ANAPC1: variants seen among roughly 807,000 people sequenced by gnomAD.
ANAPC1 encodes the protein anaphase promoting complex subunit 1.
A neutral mutation model predicts 208.0 loss-of-function variants in ANAPC1; 36 were observed. The ratio of observed to expected loss-of-function variants is 0.17; its 90% CI spans 0.13 to 0.23. ANAPC1 has a LOEUF of 0.23. Ranked by LOEUF, ANAPC1 falls within the 10% of genes least tolerant of loss-of-function variation. The probability of loss-of-function intolerance (pLI) is 1.00; values close to 1 mark genes in which losing one functional copy is unlikely to be tolerated. For synonymous variants in ANAPC1, 378 were observed against 695.2 expected (o/e 0.54, Z 7.18); for missense variants, 942 against 2,011.6 (o/e 0.47, Z 10.17).
chr2:111,833,805 G>GTC (rs1680320310), intron 19 of ANAPC1, among the ~76,000 whole-genome samples: 2 of 151,592 alleles, frequency 1.3e-5, no homozygotes, highest in South Asian at 2.1e-4. Flanking sequence ...GACATCCTAA[G>GTC]AGATATTTAC....
chr2:111,877,096 CT>C (rs1452399788), intron 3 of ANAPC1, among the ~76,000 whole-genome samples: 1 of 150,834 alleles, frequency 6.6e-6, no homozygotes, highest in Non-Finnish European at 1.5e-5. Flanking sequence ...CATTTCACCC[CT>C]AAATACTTCA....
chr2:111,779,260 C>CGGGCATGTGACA (rs1677154286), intron 44 of ANAPC1: 1 of 149,010 alleles, frequency 6.7e-6, no homozygotes, highest in African/African-American at 2.5e-5. Context: ...TGTGACATCT[C>CGGGCATGTGACA]TCAGTGGCAG....
intron 13 of ANAPC1, 134 bp downstream of exon 13, chr2:111,856,480 A>T: frequency 1.1e-6 from 1 of 878,040 alleles, no homozygotes; most frequent in Non-Finnish European, 1.7e-6. Flanking sequence ...GAGAATTATT[A>T]ACAAAATTCT....
chr2:111,884,007 G>A lies in ANAPC1; in HGVS notation c.-90C>T, dbSNP rs1195951450. On this transcript the variant is annotated 5_prime_UTR_variant, in exon 1 of 48. Transcript: ENST00000341068. ...TGCTCCCCGGAGGCGCAGGGGCCGA[G>A]GAGGCCCGAGGGCAGCGGCGGGGTC... 6.6e-6 allele frequency: 1 copy of A among 152,566 alleles called. No homozygotes were observed. The highest frequency in any genetic ancestry group is 1.5e-5 in the Non-Finnish European group (1 of 68,200). 9.5% of individuals were successfully genotyped at this position (152,566 alleles called of 1,614,324 possible). A position where few individuals can be genotyped will look rare whatever the true frequency, so the allele number is the denominator to read the frequency against.
intron 43 of ANAPC1, among the ~76,000 whole-genome samples, chr2:111,781,621 T>C (rs1677280622): frequency 6.6e-6 from 1 of 152,286 alleles, no homozygotes; most frequent in Non-Finnish European, 1.5e-5. Flanking sequence ...CGTCTAATTA[T>C]TCCTTAGGGT....
At chr2:111,806,978 T>C (rs1470279708) in intron 29 of ANAPC1, among the ~76,000 whole-genome samples, 1 of 67,774 alleles carries the variant, frequency 1.5e-5, no homozygotes, top group Non-Finnish European at 2.8e-5. Context: ...GGAGGATCAC[T>C]TGAGGTCAAC....
chr2:111,802,898 T>C (rs1678508956), intron 32 of ANAPC1: 3 of 234,804 alleles, frequency 1.3e-5, no homozygotes, highest in South Asian at 3.7e-5. Context: ...TTTTAATTAA[T>C]AGACTAAAGA....
At chr2:111,782,041 A>G (rs1476642228) in intron 43 of ANAPC1, among the ~76,000 whole-genome samples, 3 of 152,168 alleles carry the variant, frequency 2.0e-5, no homozygotes, top group Admixed American at 6.5e-5. Context: ...GAAATTAAGT[A>G]AATCTTCACC....
chr2:111,856,626 T>G lies in ANAPC1; in HGVS notation c.1503A>C (p.Thr501=), dbSNP rs1327177839. 3.7e-6 allele frequency: 6 copies of G among 1,613,934 alleles called. No individual in the cohort carries two copies. In the East Asian group the frequency reaches 6.7e-5, roughly 18 times the overall value. The change falls in exon 13 of 48, where the codon ACA becomes ACC. Residue 501 remains threonine, a synonymous_variant. Transcript: ENST00000341068. The part of the protein sequence containing the change: ...LEGSGNLVLY[T]GVVRVGKVFI... ...ACTTATTGCTTACCCGAACCACTCC[T>G]GTGTATAGCACCAGGTTTCCACTGC...
intron 1 of ANAPC1, among the ~76,000 whole-genome samples, chr2:111,883,009 T>A (rs561405161): frequency 1.3e-5 from 2 of 149,238 alleles, no homozygotes; most frequent in Non-Finnish European, 3.0e-5. Flanking sequence ...CTACTAAAAA[T>A]ACAAAAATTA....
intron 29 of ANAPC1, among the ~76,000 whole-genome samples, chr2:111,807,584 C>T (rs1268149158): frequency 2.0e-5 from 3 of 148,608 alleles, no homozygotes; most frequent in Non-Finnish European, 3.0e-5. Context: ...CCCAGCTACT[C>T]GGGAGGCTGA....
At chr2:111,811,083 T>G (rs913993182) in intron 28 of ANAPC1, among the ~76,000 whole-genome samples, 1 of 152,048 alleles carries the variant, frequency 6.6e-6, no homozygotes, top group African/African-American at 2.4e-5. Flanking sequence ...AATAAGGTCC[T>G]GGGGCAACTA....
chr2:111,832,956 A>G (rs1423552378), intron 20 of ANAPC1, among the ~76,000 whole-genome samples: 5 of 150,382 alleles, frequency 3.3e-5, no homozygotes, highest in East Asian at 3.9e-4. Context: ...AAAAAAAAAA[A>G]GCATCCTTGA....
At chr2:111,857,296 G>GA (rs1261554730) in intron 11 of ANAPC1, among the ~76,000 whole-genome samples, 27 of 151,994 alleles carry the variant, frequency 1.8e-4, no homozygotes, top group African/African-American at 6.5e-4. Context: ...TACCTGTGAG[G>GA]GAAAAAGAAT....
At chr2:111,855,549 T>C (rs373032766) in intron 13 of ANAPC1, among the ~76,000 whole-genome samples, 6 of 152,158 alleles carry the variant, frequency 3.9e-5, no homozygotes, top group African/African-American at 1.4e-4. Flanking sequence ...AACACACGCA[T>C]CAACACAGAC....
At chr2:111,855,080 A>C (rs1681627286) in intron 13 of ANAPC1, among the ~76,000 whole-genome samples, 1 of 152,204 alleles carries the variant, frequency 6.6e-6, no homozygotes, top group Non-Finnish European at 1.5e-5. Context: ...CTTAGAGGCC[A>C]TTAGAGGGTT....
At chr2:111,871,506 T>G (rs1237883505) in intron 6 of ANAPC1, among the ~76,000 whole-genome samples, 1 of 152,204 alleles carries the variant, frequency 6.6e-6, no homozygotes, top group Admixed American at 6.5e-5. Context: ...ATCCCAGCAC[T>G]TTGGGAGGCC....
chr2:111,845,019 T>C (rs926275425), intron 16 of ANAPC1, among the ~76,000 whole-genome samples: 3 of 152,126 alleles, frequency 2.0e-5, no homozygotes, highest in African/African-American at 7.2e-5. Context: ...CTAATTTTAT[T>C]TTTCTTTTTG....
In ANAPC1 at chr2:111,792,625, C is replaced by T. The variant is rs1221616978; in HGVS notation, c.4519-70G>A. The T allele has an allele frequency of 1.2e-5, 17 of 1,440,626 alleles. No homozygotes were observed. In the Admixed American group the frequency reaches 3.0e-4, roughly 26 times the overall value. 89.2% of individuals were successfully genotyped at this position (1,440,626 alleles called of 1,614,324 possible). ...TTCTTTATTATCAGAACTAGCTTAG[C>T]CATCATTAGAAGACTACAAAAGTTT... On this transcript the variant is annotated intron_variant, in intron 37 of 47. Transcript: ENST00000341068.
Sources: gnomAD v4.1 joint callset for allele counts (sites outside exome capture counted in the v4.1 genomes callset) on GRCh38, gnomAD v4.1.1 for gene constraint, MANE v1.5 for transcripts, NCBI Gene and HGNC (gene_info 2026-07-23, HGNC 2026-07-21) for gene names.